The following RNF175 variants were observed in gnomAD, a reference collection of about 807,000 sequenced individuals.
RNF175 encodes ring finger protein 175.
Under a neutral mutation model 50.0 loss-of-function variants are expected in RNF175, and 38 were observed. The ratio of observed to expected loss-of-function variants is 0.76; its 90% CI spans 0.59 to 1.00. The LOEUF (loss-of-function observed/expected upper bound fraction) is 1.00, where lower values mean the gene tolerates loss of function less well. Ranked by LOEUF, RNF175 falls within the 50% of genes least tolerant of loss-of-function variation. The pLI is 0.00. For missense variants in RNF175, 388 were observed against 409.6 expected (o/e 0.95, Z 0.46); for synonymous variants, 155 against 146.1 (o/e 1.06, Z -0.44).
intron 5 of RNF175, 50 bp from the exon 6 acceptor site, chr4:153,720,354 C>A: frequency 1.3e-6 from 2 of 1,546,212 alleles, no homozygotes; most frequent in Non-Finnish European, 1.8e-6. Flanking sequence ...TATTTCCAAA[C>A]AGCTGGAGTT....
intron 3 of RNF175, among the ~76,000 whole-genome samples, chr4:153,746,630 T>G (rs571945326): frequency 1.3e-5 from 2 of 152,114 alleles, no homozygotes; most frequent in East Asian, 1.9e-4. Flanking sequence ...ATAGCTCTCC[T>G]AGGCTGGAGT....
At chr4:153,732,163 C>T (rs942938614) in intron 3 of RNF175, among the ~76,000 whole-genome samples, 2 of 151,622 alleles carry the variant, frequency 1.3e-5, no homozygotes, top group East Asian at 1.9e-4. Context: ...ACCTGGGAAG[C>T]GGAGGTTGCA....
intron 3 of RNF175, chr4:153,729,728 G>A (rs1019711507): frequency 5.1e-6 from 5 of 984,176 alleles, no homozygotes; most frequent in Admixed American, 6.2e-5. Context: ...TCTTAGAATT[G>A]CTCTGAATCT....
At chr4:153,720,426 ATG>A (rs5863059) in intron 5 of RNF175, 122 bp from the exon 6 acceptor site, 234,699 of 725,682 alleles carry the variant, frequency 0.32, 41,177 homozygotes, top group South Asian at 0.46. Flanking sequence ...TTTTTCATTT[ATG>A]TGTTTGATTT....
intron 3 of RNF175, among the ~76,000 whole-genome samples, chr4:153,741,046 G>A (rs1450796189): frequency 6.6e-6 from 1 of 152,160 alleles, no homozygotes; most frequent in African/African-American, 2.4e-5. Flanking sequence ...TGGCTATTAC[G>A]CTGGACACCT....
At chr4:153,710,939 A>G (rs1425469741) in intron 8 of RNF175, among the ~76,000 whole-genome samples, 1 of 152,210 alleles carries the variant, frequency 6.6e-6, no homozygotes, top group African/African-American at 2.4e-5. Context: ...GCTGTCTTTG[A>G]TAAACTGTGC....
At chr4:153,711,991 G>T (rs1446173185) in intron 8 of RNF175, among the ~76,000 whole-genome samples, 1 of 152,140 alleles carries the variant, frequency 6.6e-6, no homozygotes, top group Non-Finnish European at 1.5e-5. Context: ...TCCAGACGGG[G>T]AAATACCTAC....
chr4:153,733,575 C>T (rs1243005469), intron 3 of RNF175, among the ~76,000 whole-genome samples: 6 of 152,186 alleles, frequency 3.9e-5, no homozygotes, highest in Non-Finnish European at 5.9e-5. Context: ...CTTCATCTTA[C>T]AGACTCTGCT....
chr4:153,714,967 C>T (rs1293588291), intron 7 of RNF175: 1 of 163,914 alleles, frequency 6.1e-6, no homozygotes, highest in Non-Finnish European at 1.3e-5. Flanking sequence ...TGTCTTGCTG[C>T]CTGTGGCTGT....
intron 1 of RNF175, among the ~76,000 whole-genome samples, chr4:153,752,513 C>A (rs1740343718): frequency 6.6e-6 from 1 of 152,194 alleles, no homozygotes; most frequent in Non-Finnish European, 1.5e-5. Flanking sequence ...ATTGCCTAAA[C>A]TTATACTTTT....
intron 3 of RNF175, among the ~76,000 whole-genome samples, chr4:153,738,335 C>T (rs897369791): frequency 1.3e-4 from 19 of 151,550 alleles, no homozygotes; most frequent in South Asian, 1.0e-3. Context: ...AGGTGCCTGC[C>T]GCTACATCTG....
chr4:153,723,302 T>C (rs1456384), intron 5 of RNF175, 49 bp downstream of exon 5: 912,713 of 916,710 alleles, frequency 1, 454,459 homozygotes, highest in East Asian at 1. Flanking sequence ...CAGGTGAGTG[T>C]GCCAAGCAAG....
intron 3 of RNF175, among the ~76,000 whole-genome samples, chr4:153,742,727 C>G (rs1383482243): frequency 6.6e-6 from 1 of 151,918 alleles, no homozygotes; most frequent in Non-Finnish European, 1.5e-5. Context: ...AAAATAATTA[C>G]CTCTCAAGGT....
chr4:153,742,931 G>C (rs1739754788), intron 3 of RNF175, among the ~76,000 whole-genome samples: 1 of 151,930 alleles, frequency 6.6e-6, no homozygotes, highest in Admixed American at 6.6e-5. Context: ...GTAGAAAAGA[G>C]CCAGCAATGT....
At chr4:153,711,376 G>C (rs1470625558) in intron 8 of RNF175, among the ~76,000 whole-genome samples, 1 of 151,624 alleles carries the variant, frequency 6.6e-6, no homozygotes, top group Admixed American at 6.6e-5. Flanking sequence ...CACTGCAGAG[G>C]GTGGTCTCTT....
At chr4:153,717,791 T>G (rs1361510627) in intron 6 of RNF175, among the ~76,000 whole-genome samples, 1 of 152,194 alleles carries the variant, frequency 6.6e-6, no homozygotes, top group Non-Finnish European at 1.5e-5. Context: ...CCCCTTTCAA[T>G]GACATTATTT....
intron 1 of RNF175, among the ~76,000 whole-genome samples, chr4:153,752,052 T>G (rs1419473324): frequency 6.6e-6 from 1 of 152,212 alleles, no homozygotes; most frequent in Non-Finnish European, 1.5e-5. Context: ...CAAATTGAGC[T>G]GGAAAGCACA....
In RNF175 at chr4:153,710,482, G is replaced by C; in HGVS notation, c.874C>G (p.Arg292Gly). ...ATTTGTCCATACAGAAAATGTGTGC[G>C]CTCCCAGCTAAATCTCAGTTAAGGA... ...LKRMISNPWE[R>G]THFLYGQILD... The change falls in exon 9 of 9, where the codon CGC (arginine) becomes GGC (glycine). Residue 292 changes from arginine (R) to glycine (G), a missense_variant. By Grantham distance (125) the Arg-to-Gly change is moderately radical. Coordinates refer to ENST00000347063, the MANE Select transcript of RNF175 (RefSeq NM_173662.4). 1 of 1,608,736 alleles carries C rather than the reference G, an allele frequency of 6.2e-7. No homozygotes were observed. Among genetic ancestry groups the C allele is most frequent in the Non-Finnish European group, 8.5e-7 (1 of 1,177,492 alleles).
Position 153,723,424 on chromosome 4 carries a change from G to C in RNF175, c.436C>G (p.Leu146Val), listed in dbSNP as rs1331507711. 1 of 1,604,908 alleles carries C rather than the reference G, an allele frequency of 6.2e-7. No homozygotes were observed. ...CCCACAACACCAAATGCATAGCTGAGTTTGTAGATCAAAAGAAACCATTTG... is the reference window on the plus strand; with the variant it reads ...CCCACAACACCAAATGCATAGCTGACTTTGTAGATCAAAAGAAACCATTTG... Reference protein sequence around the residue: ...VYKWFLLIYKLSYAFGVVGYL... With the variant: ...VYKWFLLIYKVSYAFGVVGYL... Residue 146 changes from leucine (L) to valine (V), a missense_variant, in exon 5 of 9, where the codon CTC becomes GTC. Coordinates refer to ENST00000347063, the MANE Select transcript of RNF175 (RefSeq NM_173662.4).
Sources: gnomAD v4.1 joint callset for allele counts (sites outside exome capture counted in the v4.1 genomes callset) on GRCh38, gnomAD v4.1.1 for gene constraint, MANE v1.5 for transcripts, NCBI Gene and HGNC (gene_info 2026-07-23, HGNC 2026-07-21) for gene names.